NFXL1: variants seen among roughly 807,000 people sequenced by gnomAD.
NFXL1 encodes NF-X1-type zinc finger protein NFXL1.
A neutral mutation model predicts 123.3 loss-of-function variants in NFXL1; 66 were observed. That is an observed-to-expected ratio of 0.54 (90% CI 0.44 to 0.66). NFXL1 has a LOEUF of 0.66. Among genes scored for constraint, NFXL1 ranks in the 30% least tolerant of loss-of-function variants. The probability of loss-of-function intolerance (pLI) is 0.00; values close to 1 mark genes in which losing one functional copy is unlikely to be tolerated. For missense variants in NFXL1, 944 were observed against 1,125.6 expected (o/e 0.84, Z 2.31); for synonymous variants, 346 against 360.8 (o/e 0.96, Z 0.46).
rs1257692893 is a variant in NFXL1, at chr4:47,914,208, G to A, written c.-2-3C>T. 9 of 1,446,980 alleles carry A rather than the reference G, an allele frequency of 6.2e-6. No individual in the cohort carries two copies. In the East Asian group the frequency reaches 2.3e-4, roughly 36 times the overall value. The allele number at this position is 1,446,980 out of a possible 1,614,324, so 89.6% of individuals were successfully genotyped here. ...CTGGCGCCAGGAAGCTTCCATCCCT[G>A]CAAAGGAGAAAAAAAAAAAAAAGAG... On this transcript the variant is annotated splice_region_variant and splice_polypyrimidine_tract_variant and intron_variant, in intron 1 of 22. Coordinates refer to ENST00000507489, the MANE Select transcript of NFXL1 (RefSeq NM_001278624.2).
At chr4:47,905,520 G>C (rs1039730040) in intron 3 of NFXL1, among the ~76,000 whole-genome samples, 174 bp from the exon 4 acceptor site, 4 of 152,106 alleles carry the variant, frequency 2.6e-5, no homozygotes, top group African/African-American at 9.7e-5. Flanking sequence ...AAGAGGTAAC[G>C]AAGTCTGTGT....
At chr4:47,884,871 A>C (rs1378350082) in intron 14 of NFXL1, among the ~76,000 whole-genome samples, 2 of 152,190 alleles carry the variant, frequency 1.3e-5, no homozygotes. Context: ...TCACACCTGT[A>C]ATCCCAGCAC....
At chr4:47,878,477 G>A (rs2289435) in intron 17 of NFXL1, 48 bp downstream of exon 17, 446,510 of 1,360,886 alleles carry the variant, frequency 0.33, 75,712 homozygotes, top group East Asian at 0.56. Flanking sequence ...TTGAAAAAAC[G>A]TTTCAAGAAT....
At chr4:47,884,137 CA>C (rs1736285824) in intron 15 of NFXL1, among the ~76,000 whole-genome samples, 2 of 151,316 alleles carry the variant, frequency 1.3e-5, no homozygotes, top group South Asian at 2.1e-4. Context: ...GGTAAAGACT[CA>C]AAAAAAGATA....
chr4:47,867,293 G>A (rs1454951381), intron 18 of NFXL1, among the ~76,000 whole-genome samples: 1 of 151,498 alleles, frequency 6.6e-6, no homozygotes, highest in Non-Finnish European at 1.5e-5. Flanking sequence ...AAATTACAAG[G>A]TGCTCATGAA....
chr4:47,876,946 G>T, intron 17 of NFXL1: 1 of 455,692 alleles, frequency 2.2e-6, no homozygotes, highest in Non-Finnish European at 3.7e-6. Context: ...GACTTTCTGA[G>T]ATGGGAAAGA....
rs150492365 is a variant in NFXL1, at chr4:47,860,459, G to A, written c.2316+2387C>T. ...ATAGAGTGTGTATCAGAGACACAGT[G>A]GAGCTGGAAGGATATGCTTATGCCA... On this transcript the variant is annotated intron_variant, in intron 19 of 22. Coordinates refer to ENST00000507489, the MANE Select transcript of NFXL1 (RefSeq NM_001278624.2). 1.8e-4 allele frequency among the ~76,000 whole-genome samples: 27 copies of A among 152,298 alleles called. No homozygotes were observed. The East Asian group carries it at 4.8e-3, about 27-fold the overall frequency.
intron 3 of NFXL1, among the ~76,000 whole-genome samples, chr4:47,908,644 A>G (rs528054606): frequency 6.6e-6 from 1 of 152,110 alleles, no homozygotes; most frequent in African/African-American, 2.4e-5. Context: ...GATCAAGGGA[A>G]GACATGACTG....
chr4:47,900,868 A>T (rs1317955294), intron 5 of NFXL1, among the ~76,000 whole-genome samples: 1 of 152,240 alleles, frequency 6.6e-6, no homozygotes, highest in Non-Finnish European at 1.5e-5. Flanking sequence ...TTGTAATGAA[A>T]AATCAAAAAC....
chr4:47,874,149 C>CAATA (rs1735602109), intron 18 of NFXL1, among the ~76,000 whole-genome samples: 1 of 152,214 alleles, frequency 6.6e-6, no homozygotes. Context: ...TCCATATCAG[C>CAATA]AATAAGGCTG....
At chr4:47,903,126 C>G (rs1382446309) in intron 5 of NFXL1, 67 bp downstream of exon 5, 4 of 1,179,432 alleles carry the variant, frequency 3.4e-6, no homozygotes, top group Non-Finnish European at 4.7e-6. Flanking sequence ...GCACTCCAGC[C>G]TGCGTGACAA....
intron 16 of NFXL1, 33 bp downstream of exon 16, chr4:47,879,062 TA>T: frequency 7.8e-7 from 1 of 1,276,098 alleles, no homozygotes; most frequent in Non-Finnish European, 1.1e-6. Context: ...GTATAGATTA[TA>T]AGCTTTACTT....
At chr4:47,905,926 C>T (rs568562048) in intron 3 of NFXL1, among the ~76,000 whole-genome samples, 82 of 151,928 alleles carry the variant, frequency 5.4e-4, no homozygotes, top group African/African-American at 2.0e-3. Context: ...CAGTACCTGA[C>T]ATTATTTTCT....
At chr4:47,900,938 A>AT (rs1185519030) in intron 5 of NFXL1, among the ~76,000 whole-genome samples, 7 of 151,708 alleles carry the variant, frequency 4.6e-5, no homozygotes, top group South Asian at 2.1e-4. Flanking sequence ...GAAGAGTTCA[A>AT]TTTTTTTTTA....
At position 47,885,675 on chromosome 4, in the gene NFXL1, A is replaced by G; in HGVS notation, c.1665-18T>C. 6.2e-7 allele frequency: 1 copy of G among 1,600,738 alleles called. No individual in the cohort carries two copies. The highest frequency in any genetic ancestry group is 8.5e-7 in the Non-Finnish European group (1 of 1,169,774). ...GTGGTCGACTAAATCATAAAGTACA[A>G]TTTTCAAAAATTACTTTTAGTCATT... On this transcript the variant is annotated intron_variant, in intron 13 of 22. Coordinates refer to ENST00000507489, the MANE Select transcript of NFXL1 (RefSeq NM_001278624.2).
Position 47,851,929 on chromosome 4 carries a change from T to A in NFXL1, c.2435A>T (p.Asn812Ile). The A allele has an allele frequency of 1.2e-6, 2 of 1,609,140 alleles. No individual in the cohort carries two copies. Among genetic ancestry groups the A allele is most frequent in the Non-Finnish European group, 1.7e-6 (2 of 1,175,834 alleles). Residue 812 changes from asparagine to isoleucine, a missense_variant, in exon 21 of 23, where the codon AAC (asparagine) becomes ATC (isoleucine). Asn to Ile is a moderately radical substitution (Grantham distance 149). Coordinates refer to ENST00000507489, the MANE Select transcript of NFXL1 (RefSeq NM_001278624.2). ...TGAAACCTGATTTTCACGTACTTTG[T>A]TGCACTGCAATTCCTACAAACAACC... is the stretch of plus-strand genomic sequence containing the variant. Reference protein sequence around the residue: ...CKRIKKELQCNKVRENQVSIE... With the variant: ...CKRIKKELQCIKVRENQVSIE...
At chr4:47,912,954 A>C (rs1737913060) in intron 2 of NFXL1, among the ~76,000 whole-genome samples, 1 of 146,736 alleles carries the variant, frequency 6.8e-6, no homozygotes, top group Non-Finnish European at 1.5e-5. Context: ...CAGAGCTTGC[A>C]GTGAGCCGAG....
intron 22 of NFXL1, among the ~76,000 whole-genome samples, chr4:47,848,585 C>T (rs1733940616): frequency 6.6e-6 from 1 of 152,048 alleles, no homozygotes; most frequent in South Asian, 2.1e-4. Context: ...GACTATGATA[C>T]TAAATATTAA....
intron 19 of NFXL1, among the ~76,000 whole-genome samples, chr4:47,855,595 A>G (rs971528471): frequency 5.3e-5 from 8 of 151,994 alleles, no homozygotes; most frequent in African/African-American, 1.9e-4. Context: ...CAAAGAGAGC[A>G]GAGCTGCCAG....
Sources: allele counts gnomAD v4.1 joint callset (sites outside exome capture counted in the v4.1 genomes callset), GRCh38; gene constraint gnomAD v4.1.1; transcripts MANE v1.5; gene names NCBI Gene and HGNC (gene_info 2026-07-23, HGNC 2026-07-21).